WWOX: variants seen among roughly 807,000 people sequenced by gnomAD.
The protein encoded by WWOX is WW domain containing oxidoreductase, also known as WW domain-containing oxidoreductase.
A neutral mutation model predicts 46.2 loss-of-function variants in WWOX; 69 were observed. That is an observed-to-expected ratio of 1.49 (90% confidence interval 1.23 to 1.82). The LOEUF is 1.82. WWOX is among the 40% of genes most tolerant of loss of function. WWOX has a pLI of 0.00. For synonymous variants in WWOX, 359 were observed against 202.6 expected (o/e 1.77, Z -6.56); for missense variants, 919 against 542.6 (o/e 1.69, Z -6.89).
chr16:78,457,322 A>T (rs551572855), intron 8 of WWOX, among the ~76,000 whole-genome samples: 1 of 152,316 alleles, frequency 6.6e-6, no homozygotes, highest in South Asian at 2.1e-4. Context: ...CTTTTCATTC[A>T]GTTCAGATTT....
chr16:78,501,331 A>G (rs1395678048), intron 8 of WWOX, among the ~76,000 whole-genome samples: 1 of 151,550 alleles, frequency 6.6e-6, no homozygotes, highest in Non-Finnish European at 1.5e-5. Context: ...TCTTTATGAA[A>G]ATCTTCAGAT....
intron 5 of WWOX, among the ~76,000 whole-genome samples, chr16:78,230,877 T>G (rs141132310): frequency 6.6e-6 from 1 of 152,234 alleles, no homozygotes; most frequent in African/African-American, 2.4e-5. Context: ...TCCATGCCAC[T>G]CCTTATCTCT....
chr16:78,311,035 C>G (rs527274146), intron 5 of WWOX, among the ~76,000 whole-genome samples: 3 of 152,170 alleles, frequency 2.0e-5, no homozygotes, highest in East Asian at 1.9e-4. Flanking sequence ...CACTGAAAGT[C>G]TGACTTAATT....
At chr16:78,201,265 A>G (rs1207375978) in intron 5 of WWOX, among the ~76,000 whole-genome samples, 3 of 152,228 alleles carry the variant, frequency 2.0e-5, no homozygotes, top group African/African-American at 4.8e-5. Context: ...TTTTTTGAGA[A>G]GACAAATTAA....
intron 5 of WWOX, among the ~76,000 whole-genome samples, chr16:78,214,006 C>T (rs2036640258): frequency 6.6e-6 from 1 of 152,156 alleles, no homozygotes; most frequent in South Asian, 2.1e-4. Context: ...GAGGTGTAAC[C>T]TGTGTTCCAG....
intron 8 of WWOX, among the ~76,000 whole-genome samples, chr16:79,071,143 C>T (rs7204158): frequency 0.08 from 12,114 of 152,220 alleles, 990 homozygotes; most frequent in African/African-American, 0.21. Context: ...TCCAGGCTAG[C>T]AGTTTTTAAT....
chr16:79,031,374 T>C (rs1280557729), intron 8 of WWOX, among the ~76,000 whole-genome samples: 4 of 152,150 alleles, frequency 2.6e-5, no homozygotes, highest in Non-Finnish European at 5.9e-5. Flanking sequence ...CCTGCCTCCT[T>C]CTTTTCTTCA....
chr16:78,114,349 C>G (rs996122234), intron 3 of WWOX, among the ~76,000 whole-genome samples: 1 of 152,160 alleles, frequency 6.6e-6, no homozygotes, highest in African/African-American at 2.4e-5. Flanking sequence ...GTCCTCTTGC[C>G]TTGGCCTCCC....
intron 8 of WWOX, among the ~76,000 whole-genome samples, chr16:78,984,165 A>G (rs2046739515): frequency 6.6e-6 from 1 of 152,100 alleles, no homozygotes; most frequent in African/African-American, 2.4e-5. Context: ...GGCATGAGCC[A>G]TCGCGCCCGG....
intron 8 of WWOX, among the ~76,000 whole-genome samples, chr16:78,698,185 C>T (rs933807525): frequency 6.6e-6 from 1 of 152,180 alleles, no homozygotes; most frequent in Non-Finnish European, 1.5e-5. Flanking sequence ...AAGAGAGACA[C>T]ATTCTGAACA....
chr16:78,711,833 G>C (rs917330811), intron 8 of WWOX, among the ~76,000 whole-genome samples: 1 of 152,252 alleles, frequency 6.6e-6, no homozygotes, highest in African/African-American at 2.4e-5. Flanking sequence ...AAATGCACGA[G>C]TATTGATCAC....
At chr16:78,784,461 A>T (rs1008180606) in intron 8 of WWOX, among the ~76,000 whole-genome samples, 1 of 151,992 alleles carries the variant, frequency 6.6e-6, no homozygotes, top group Non-Finnish European at 1.5e-5. Context: ...CCCATTAGGG[A>T]TTATTAATAT....
intron 8 of WWOX, among the ~76,000 whole-genome samples, chr16:79,039,734 TG>T (rs1332735574): frequency 6.6e-6 from 1 of 152,156 alleles, no homozygotes; most frequent in African/African-American, 2.4e-5. Flanking sequence ...CAGGAGAGCC[TG>T]GGGTCTTAGT....
chr16:79,175,429 A>G (rs2050781090), intron 8 of WWOX, among the ~76,000 whole-genome samples: 1 of 152,216 alleles, frequency 6.6e-6, no homozygotes, highest in African/African-American at 2.4e-5. Context: ...CAGGTCGGCC[A>G]CAAAGCTGTG....
chr16:78,818,199 C>A (rs1241117612), intron 8 of WWOX, among the ~76,000 whole-genome samples: 2 of 152,142 alleles, frequency 1.3e-5, no homozygotes, highest in African/African-American at 4.8e-5. Context: ...TCAGGTACTC[C>A]CTGGAAAGGC....
At chr16:78,793,716 A>C (rs1487124927) in intron 8 of WWOX, among the ~76,000 whole-genome samples, 1 of 152,146 alleles carries the variant, frequency 6.6e-6, no homozygotes. Context: ...TTGCAAATGC[A>C]ACTCATCCTT....
intron 8 of WWOX, among the ~76,000 whole-genome samples, chr16:78,478,082 A>G (rs898461766): frequency 3.9e-5 from 6 of 152,224 alleles, no homozygotes; most frequent in Admixed American, 3.9e-4. Flanking sequence ...AATATGGAAT[A>G]TATTAACTGA....
intron 8 of WWOX, among the ~76,000 whole-genome samples, chr16:78,607,028 A>G (rs966076437): frequency 1.3e-5 from 2 of 152,122 alleles, no homozygotes; most frequent in Admixed American, 6.5e-5. Flanking sequence ...GGTGAACTGA[A>G]TAGAGTTCCC....
At chr16:78,207,406 C>T (rs2036427807) in intron 5 of WWOX, among the ~76,000 whole-genome samples, 1 of 151,772 alleles carries the variant, frequency 6.6e-6, no homozygotes, top group South Asian at 2.1e-4. Context: ...AAATATTTAC[C>T]AGAAGTGAAT....
Sources: gnomAD v4.1 joint callset for allele counts (sites outside exome capture counted in the v4.1 genomes callset) on GRCh38, gnomAD v4.1.1 for gene constraint, MANE v1.5 for transcripts, NCBI Gene and HGNC (gene_info 2026-07-23, HGNC 2026-07-21) for gene names.